The following CELF4 variants were observed in gnomAD, a reference collection of about 807,000 sequenced individuals.
CELF4 encodes the protein CUGBP Elav-like family member 4, also known as CUG-BP- and ETR-3-like factor 4.
Under a neutral mutation model 59.9 loss-of-function variants are expected in CELF4, and 18 were observed. The ratio of observed to expected loss-of-function variants is 0.30; its 90% CI spans 0.21 to 0.45. The LOEUF is 0.45. Ranked by LOEUF, CELF4 falls within the 20% of genes least tolerant of loss-of-function variation. The pLI is 1.00. For missense variants in CELF4, 456 were observed against 689.0 expected (o/e 0.66, Z 3.79); for synonymous variants, 261 against 267.1 (o/e 0.98, Z 0.22).
chr18:37,343,564 G>C (rs2154549448), intron 2 of CELF4, among the ~76,000 whole-genome samples: 1 of 152,126 alleles, frequency 6.6e-6, no homozygotes, highest in Admixed American at 6.5e-5. Context: ...CCTGGTATAT[G>C]TGGTGCATAT....
chr18:37,426,737 G>GTGGAAAACAATTTGCCAGGCA (rs2099615539), intron 2 of CELF4, among the ~76,000 whole-genome samples: 4 of 152,132 alleles, frequency 2.6e-5, no homozygotes, highest in Admixed American at 2.6e-4. Flanking sequence ...ATTAGAACAC[G>GTGGAAAACAATTTGCCAGGCA]TGGAAAACAA....
intron 2 of CELF4, among the ~76,000 whole-genome samples, chr18:37,409,088 G>A (rs1279514764): frequency 6.6e-6 from 1 of 152,222 alleles, no homozygotes; most frequent in Non-Finnish European, 1.5e-5. Context: ...TACCCAAAGG[G>A]TGGCCATGCG....
intron 2 of CELF4, among the ~76,000 whole-genome samples, chr18:37,443,862 G>A (rs2099740447): frequency 6.6e-6 from 1 of 152,178 alleles, no homozygotes; most frequent in African/African-American, 2.4e-5. Context: ...CCAGCGAGAT[G>A]TCAATTCAAC....
chr18:37,269,528 A>G (rs1303532021), intron 8 of CELF4, among the ~76,000 whole-genome samples: 1 of 152,130 alleles, frequency 6.6e-6, no homozygotes, highest in African/African-American at 2.4e-5. Context: ...GGGGAACAGG[A>G]CCCAGCCCCT....
At chr18:37,321,770 G>A (rs769260082) in intron 3 of CELF4, 33 bp downstream of exon 3, 1 of 1,492,422 alleles carries the variant, frequency 6.7e-7, no homozygotes, top group South Asian at 1.2e-5. Context: ...GTGAGAGGGG[G>A]AGGGGGAGGG....
chr18:37,277,741 A>C (rs1165377633), intron 3 of CELF4, among the ~76,000 whole-genome samples: 1 of 152,170 alleles, frequency 6.6e-6, no homozygotes, highest in Non-Finnish European at 1.5e-5. Flanking sequence ...TCTTCTTTCC[A>C]GGCACAGCCC....
At chr18:37,277,516 G>T (rs2093513247) in intron 3 of CELF4, among the ~76,000 whole-genome samples, 1 of 152,226 alleles carries the variant, frequency 6.6e-6, no homozygotes, top group Non-Finnish European at 1.5e-5. Flanking sequence ...GGAGGAGATA[G>T]AGTTCAGCGC....
intron 2 of CELF4, among the ~76,000 whole-genome samples, chr18:37,462,103 C>A (rs1261035154): frequency 6.6e-6 from 1 of 152,170 alleles, no homozygotes; most frequent in East Asian, 1.9e-4. Flanking sequence ...ATAAGCTTCA[C>A]CCCACCGTGA....
chr18:37,245,618 A>G lies in CELF4; in HGVS notation c.*45-421T>C, dbSNP rs2061751667. Among the ~76,000 whole-genome samples, 1 of 152,114 alleles carries G rather than the reference A, an allele frequency of 6.6e-6. No homozygotes were observed. Among genetic ancestry groups the G allele is most frequent in the African/African-American group, 2.4e-5 (1 of 41,420 alleles). On this transcript the variant is annotated intron_variant, in intron 12 of 12. Coordinates refer to ENST00000420428, the MANE Select transcript of CELF4 (RefSeq NM_020180.4). This position sits in a 1 kb window ranked among gnomAD's most constrained non-coding sequence, Gnocchi z 4.1. ...GCAAACAAGATAGGAAAAATCTAGC[A>G]GCCCAGCCCACTCCTCCCAGCTCAA...
chr18:37,312,110 CA>C (rs59872500), intron 3 of CELF4, among the ~76,000 whole-genome samples: 2,668 of 50,694 alleles, frequency 0.053, 14 homozygotes, highest in African/African-American at 0.14. Flanking sequence ...GATTCCGTCT[CA>C]AAAAAAAAAA....
At chr18:37,344,289 G>C (rs953692452) in intron 2 of CELF4, among the ~76,000 whole-genome samples, 1 of 152,248 alleles carries the variant, frequency 6.6e-6, no homozygotes, top group African/African-American at 2.4e-5. Flanking sequence ...GGACAGACGT[G>C]GCTTACACAT....
At chr18:37,463,094 G>C (rs1467770696) in intron 2 of CELF4, among the ~76,000 whole-genome samples, 1 of 152,210 alleles carries the variant, frequency 6.6e-6, no homozygotes, top group Non-Finnish European at 1.5e-5. Flanking sequence ...AGTCCCTAGA[G>C]AACCTTCTCC....
At chr18:37,436,381 C>T (rs556166796) in intron 2 of CELF4, among the ~76,000 whole-genome samples, 45 of 152,322 alleles carry the variant, frequency 3.0e-4, no homozygotes, top group African/African-American at 8.9e-4. Flanking sequence ...AAAAGCTCCT[C>T]GCCTTGCAGT....
At chr18:37,256,118 G>T (rs2069208752) in intron 11 of CELF4, among the ~76,000 whole-genome samples, 2 of 152,214 alleles carry the variant, frequency 1.3e-5, no homozygotes, top group Non-Finnish European at 2.9e-5. Flanking sequence ...CAAGTTCATG[G>T]TTCCAGGACC....
At position 37,271,843 on chromosome 18, in the gene CELF4, G is replaced by A. The variant is rs146756760; in HGVS notation, c.950-926C>T. On this transcript the variant is annotated intron_variant, in intron 7 of 12. Transcript: ENST00000420428. ...AGTTGGGGTCAAATGACAATACCCTGTGTCCTCCCTATGCCAAGTGGGTGG... is the reference window on the plus strand; with the variant it reads ...AGTTGGGGTCAAATGACAATACCCTATGTCCTCCCTATGCCAAGTGGGTGG... Among the ~76,000 whole-genome samples, 151 of 152,316 alleles carry A rather than the reference G, an allele frequency of 9.9e-4. 2 individuals carry two copies. Among genetic ancestry groups the A allele is most frequent in the African/African-American group, 3.6e-3 (150 of 41,572 alleles).
At chr18:37,274,528 C>T (rs1356637081) in intron 5 of CELF4, 74 bp from the exon 6 acceptor site, 2 of 1,601,152 alleles carry the variant, frequency 1.2e-6, no homozygotes, top group East Asian at 2.2e-5. Flanking sequence ...CTCTGGCCTG[C>T]GCCCACCCCG....
In CELF4 at chr18:37,383,269, G is replaced by A. The variant is rs534405892; in HGVS notation, c.370-61388C>T. Among the ~76,000 whole-genome samples, 6 of 152,268 alleles carry A rather than the reference G, an allele frequency of 3.9e-5. No individual in the cohort carries two copies. The East Asian group carries it at 1.2e-3, about 30-fold the overall frequency. On this transcript the variant is annotated intron_variant, in intron 2 of 12. Coordinates refer to ENST00000420428, the MANE Select transcript of CELF4 (RefSeq NM_020180.4). ...GGCAGAGCAGCGGCCACTGGGTGAA[G>A]CAGGAGGCTCAGGAAGGTAGCAGGG...
intron 1 of CELF4, among the ~76,000 whole-genome samples, chr18:37,500,112 A>G (rs2099929839): frequency 6.6e-6 from 1 of 152,160 alleles, no homozygotes; most frequent in African/African-American, 2.4e-5. Flanking sequence ...CAACAGATGG[A>G]GGTGTGTCTC....
rs923116186 is a variant in CELF4, at chr18:37,369,513, C to T, written c.370-47632G>A. 3.3e-5 allele frequency among the ~76,000 whole-genome samples: 5 copies of T among 152,264 alleles called. No homozygotes were observed. In the South Asian group the frequency reaches 8.3e-4, roughly 25 times the overall value. On this transcript the variant is annotated intron_variant, in intron 2 of 12. Coordinates refer to ENST00000420428, the MANE Select transcript of CELF4 (RefSeq NM_020180.4). Reference sequence around the variant, plus strand: ...CAGCATCCTGTCCACACCCTCTCCTCGTATACTTAAGGGCCAGGCACATTG... The same window carrying T: ...CAGCATCCTGTCCACACCCTCTCCTTGTATACTTAAGGGCCAGGCACATTG...
Sources: gnomAD v4.1 joint callset for allele counts (sites outside exome capture counted in the v4.1 genomes callset) on GRCh38, gnomAD v4.1.1 for gene constraint, Gnocchi (gnomAD v3.1) non-coding constraint, MANE v1.5 for transcripts, NCBI Gene and HGNC (gene_info 2026-07-23, HGNC 2026-07-21) for gene names.